Variants in STYXL2 observed in about 807,000 individuals in gnomAD.
STYXL2 encodes the protein serine/threonine/tyrosine interacting like 2.
Under a neutral mutation model 52.4 loss-of-function variants are expected in STYXL2, and 44 were observed. That is an observed-to-expected ratio of 0.84 (90% CI 0.66 to 1.08). STYXL2 has a LOEUF of 1.08. STYXL2 is among the 50% of genes least tolerant of loss of function. STYXL2 has a pLI of 0.00. For synonymous variants in STYXL2, 604 were observed against 586.9 expected (o/e 1.03, Z -0.42); for missense variants, 1,604 against 1,471.7 (o/e 1.09, Z -1.47).
intron 5 of STYXL2, among the ~76,000 whole-genome samples, chr1:167,123,683 G>A (rs1165314459): frequency 2.6e-5 from 4 of 152,172 alleles, no homozygotes; most frequent in Non-Finnish European, 5.9e-5. Context: ...GAGTGCACTG[G>A]TATGATCTCA....
chr1:167,111,470 A>AT (rs1491094914), intron 2 of STYXL2, among the ~76,000 whole-genome samples: 1 of 21,564 alleles, frequency 4.6e-5, no homozygotes, highest in African/African-American at 2.5e-4. Flanking sequence ...AATATGGTAC[A>AT]TATATATATA....
At chr1:167,100,729 A>G (rs1395416035) in intron 2 of STYXL2, among the ~76,000 whole-genome samples, 1 of 152,222 alleles carries the variant, frequency 6.6e-6, no homozygotes, top group East Asian at 1.9e-4. Flanking sequence ...ATTTGCAGTG[A>G]CTGCTGCTGA....
chr1:167,111,206 AG>A (rs1489060130), intron 2 of STYXL2, among the ~76,000 whole-genome samples: 2 of 151,994 alleles, frequency 1.3e-5, no homozygotes, highest in Non-Finnish European at 2.9e-5. Flanking sequence ...TGTGGTGCGA[AG>A]GGAACACTTT....
At chr1:167,105,957 G>A (rs1667500327) in intron 2 of STYXL2, among the ~76,000 whole-genome samples, 1 of 152,140 alleles carries the variant, frequency 6.6e-6, no homozygotes, top group African/African-American at 2.4e-5. Context: ...AGTATACCGG[G>A]TAGGCTCTTC....
At chr1:167,110,673 T>A (rs1306899267) in intron 2 of STYXL2, among the ~76,000 whole-genome samples, 8 of 152,214 alleles carry the variant, frequency 5.3e-5, no homozygotes, top group Non-Finnish European at 1.0e-4. Flanking sequence ...TAATGCCATT[T>A]TTCCACCTTG....
chr1:167,116,954 A>G (rs1239112084), intron 3 of STYXL2, among the ~76,000 whole-genome samples: 1 of 152,152 alleles, frequency 6.6e-6, no homozygotes, highest in African/African-American at 2.4e-5. Context: ...CTGGCTGGTA[A>G]ACACTTCTGA....
chr1:167,125,927 G>T lies in STYXL2; in HGVS notation c.796G>T (p.Gly266Cys), dbSNP rs770149021. The stretch of plus-strand genomic sequence containing the variant: ...GAAGCGGGCCATCTACCCCAATGAG[G>T]GCTTCCTGAAGCAGCTGCGGGAGCT... ...RKKRAIYPNE[G>C]FLKQLRELNE... Residue 266 changes from glycine to cysteine, a missense_variant, in exon 6 of 6, where the codon GGC becomes TGC. Physicochemically the swap from Gly to Cys is radical, Grantham distance 159. Coordinates refer to ENST00000361200, the MANE Select transcript of STYXL2 (RefSeq NM_001080426.3). The T allele has an allele frequency of 6.8e-6, 11 of 1,614,064 alleles. No individual in the cohort carries two copies. The highest frequency in any genetic ancestry group is 9.3e-6 in the Non-Finnish European group (11 of 1,180,014).
chr1:167,106,209 A>G (rs1350698590), intron 2 of STYXL2, among the ~76,000 whole-genome samples: 2 of 152,158 alleles, frequency 1.3e-5, no homozygotes, highest in East Asian at 1.9e-4. Context: ...GTGCTCCCGG[A>G]TGGATAATCC....
chr1:167,117,249 A>G, intron 3 of STYXL2, 79 bp from the exon 4 acceptor site: 1 of 1,313,176 alleles, frequency 7.6e-7, no homozygotes, highest in Non-Finnish European at 1.1e-6. Context: ...CAAACTGGCC[A>G]AGAGCATGTT....
intron 5 of STYXL2, among the ~76,000 whole-genome samples, chr1:167,122,528 A>G (rs1376396293): frequency 6.6e-6 from 1 of 152,132 alleles, no homozygotes; most frequent in Non-Finnish European, 1.5e-5. Flanking sequence ...CTTCTGAAGA[A>G]AGGGGGAATT....
chr1:167,117,010 C>A (rs1375893513), intron 3 of STYXL2, among the ~76,000 whole-genome samples: 1 of 152,112 alleles, frequency 6.6e-6, no homozygotes, highest in Non-Finnish European at 1.5e-5. Flanking sequence ...AAGTATGAAT[C>A]AAAGTACACC....
rs995470331 is a variant in STYXL2, at chr1:167,126,619, C to T, written c.1488C>T (p.His496=). 18 of 1,613,984 alleles carry T rather than the reference C, an allele frequency of 1.1e-5. No individual in the cohort carries two copies. The highest frequency in any genetic ancestry group is 1.7e-4 in the Middle Eastern group (1 of 6,054). ...AGAAGGAGGCTTCCCGGAGGTACCA[C>T]GCCAAGAGCAAGAGAGAGGAGGCGG... ...EIEKEASRRY[H]AKSKREEAAD... The change falls in exon 6 of 6, where the codon CAC becomes CAT. Residue 496 remains histidine (H), a synonymous_variant. Transcript: ENST00000361200.
chr1:167,126,101 C>T lies in STYXL2; in HGVS notation c.970C>T (p.Leu324=). ...VEEEDDSASH[L]SGSSLGKATQ... is the part of the protein sequence containing the mutation. ...AGAGGAGGACGACAGCGCCAGCCAC[C>T]TGAGTGGCTCCTCCCTGGGGAAGGC... Residue 324 remains leucine, a synonymous_variant, in exon 6 of 6, where the codon CTG becomes TTG. Coordinates refer to ENST00000361200, the MANE Select transcript of STYXL2 (RefSeq NM_001080426.3). 2 of 1,520,462 alleles carry T rather than the reference C, an allele frequency of 1.3e-6. No individual in the cohort carries two copies. The allele number at this position is 1,520,462 out of a possible 1,614,324, so 94.2% of individuals were successfully genotyped here. A position where few individuals can be genotyped will look rare whatever the true frequency, so the allele number is the denominator to read the frequency against.
chr1:167,103,466 G>T (rs1470370569), intron 2 of STYXL2, among the ~76,000 whole-genome samples: 1 of 152,150 alleles, frequency 6.6e-6, no homozygotes, highest in Admixed American at 6.5e-5. Context: ...TACCCTGCTT[G>T]CTGTCCTGGC....
intron 2 of STYXL2, among the ~76,000 whole-genome samples, chr1:167,105,679 C>A (rs1000809064): frequency 4.6e-5 from 7 of 152,222 alleles, no homozygotes; most frequent in Admixed American, 4.6e-4. Flanking sequence ...GTCTTGCCCC[C>A]ACACCTTTCT....
chr1:167,115,772 A>T (rs950009267), intron 3 of STYXL2, among the ~76,000 whole-genome samples: 4 of 152,130 alleles, frequency 2.6e-5, no homozygotes, highest in Non-Finnish European at 4.4e-5. Flanking sequence ...GGATTGCAGG[A>T]GTTTTCTTCT....
At chr1:167,122,207 C>T (rs967009778) in intron 5 of STYXL2, among the ~76,000 whole-genome samples, 1 of 151,968 alleles carries the variant, frequency 6.6e-6, no homozygotes, top group Admixed American at 6.6e-5. Context: ...AACTCCTTCA[C>T]AAGCAGCAAA....
At position 167,127,445 on chromosome 1, in the gene STYXL2, A is replaced by G; in HGVS notation, c.2314A>G (p.Ser772Gly). The G allele has an allele frequency of 1.2e-6, 2 of 1,614,094 alleles. No individual in the cohort carries two copies. The highest frequency in any genetic ancestry group is 2.7e-5 in the African/African-American group (2 of 75,030). ...CLGDDQVSMLSGHSSSSLGGC... is the reference protein window; with the variant it reads ...CLGDDQVSMLGGHSSSSLGGC... ...GGGGGATGACCAAGTCTCCATGCTT[A>G]GTGGACACAGCAGCTCCTCCTTGGG... is the stretch of plus-strand genomic sequence containing the variant. The change falls in exon 6 of 6, where the codon AGT (serine) becomes GGT (glycine). Residue 772 changes from serine (S) to glycine (G), a missense_variant. By Grantham distance (56) the Ser-to-Gly change is moderately conservative. Coordinates refer to ENST00000361200, the MANE Select transcript of STYXL2 (RefSeq NM_001080426.3).
chr1:167,119,849 A>T (rs79580014), intron 5 of STYXL2, among the ~76,000 whole-genome samples: 2,257 of 152,296 alleles, frequency 0.015, 44 homozygotes, highest in African/African-American at 0.051. Context: ...ATGGGGGAGG[A>T]GGCCTTCTGA....
Sources: gnomAD v4.1 joint callset for allele counts (sites outside exome capture counted in the v4.1 genomes callset) on GRCh38, gnomAD v4.1.1 for gene constraint, MANE v1.5 for transcripts, NCBI Gene and HGNC (gene_info 2026-07-23, HGNC 2026-07-21) for gene names.